Variants in INPP5D observed in about 807,000 individuals in gnomAD.
The protein encoded by INPP5D is inositol polyphosphate-5-phosphatase D.
A neutral mutation model predicts 122.9 loss-of-function variants in INPP5D; 33 were observed. That is an observed-to-expected ratio of 0.27 (90% CI 0.20 to 0.36). The LOEUF is 0.36. INPP5D is among the 10% of genes least tolerant of loss of function. The pLI, the probability that INPP5D is intolerant of heterozygous loss-of-function variation, is 1.00. For missense variants in INPP5D, 1,053 were observed against 1,412.7 expected, an observed-to-expected ratio of 0.75 and a Z score of 4.08; for synonymous variants, 584 against 576.2, an observed-to-expected ratio of 1.01 and a Z score of -0.19.
At chr2:233,137,453 CT>C (rs35819628) in intron 5 of INPP5D, among the ~76,000 whole-genome samples, 5,472 of 136,600 alleles carry the variant, frequency 0.04, 192 homozygotes, top group East Asian at 0.18. Context: ...TTCCATTAAA[CT>C]TTTTTTTTTT....
intron 1 of INPP5D, among the ~76,000 whole-genome samples, chr2:233,067,550 G>T (rs542365937): frequency 1.3e-5 from 2 of 152,306 alleles, no homozygotes; most frequent in South Asian, 4.1e-4. Context: ...ATATTCTTGG[G>T]TCTATATCTA....
intron 18 of INPP5D, among the ~76,000 whole-genome samples, chr2:233,179,367 T>C (rs563623985): frequency 6.6e-6 from 1 of 152,248 alleles, no homozygotes; most frequent in Non-Finnish European, 1.5e-5. Context: ...CCAATTCTTG[T>C]CTCAACCATC....
At position 233,204,640 on chromosome 2, in the gene INPP5D, A is replaced by G; in HGVS notation, c.3490A>G (p.Asn1164Asp). ...QHSKGRDYRD[N>D]TELPHHGKHR... is the part of the protein sequence containing the mutation. ...CTCCAAGGGCCGCGACTACCGCGAC[A>G]ACACCGAGCTCCCGCATCACGGCAA... Residue 1164 changes from asparagine to aspartate, a missense_variant, in exon 26 of 27, where the codon AAC (asparagine) becomes GAC (aspartate). By Grantham distance (23) the Asn-to-Asp change is conservative. Around this residue, in one of 6 missense-constraint regions of INPP5D, gnomAD observed 417 missense variants for 425.8 expected, o/e 0.98. Transcript: ENST00000445964. 2.5e-6 allele frequency: 4 copies of G among 1,584,524 alleles called. No homozygotes were observed. The highest frequency in any genetic ancestry group is 3.4e-6 in the Non-Finnish European group (4 of 1,166,796).
chr2:233,137,354 A>T (rs1034873581), intron 5 of INPP5D, among the ~76,000 whole-genome samples: 12 of 151,830 alleles, frequency 7.9e-5, no homozygotes, highest in South Asian at 2.1e-4. Flanking sequence ...AATCATTTTT[A>T]AAAAAAAGGA....
chr2:233,107,431 G>C (rs1321396617), intron 2 of INPP5D, among the ~76,000 whole-genome samples: 1 of 152,188 alleles, frequency 6.6e-6, no homozygotes, highest in African/African-American at 2.4e-5. Flanking sequence ...AGTGCTCAAA[G>C]GCAGTTGTCT....
chr2:233,118,217 C>T (rs559203844), intron 2 of INPP5D, among the ~76,000 whole-genome samples: 4 of 152,294 alleles, frequency 2.6e-5, no homozygotes, highest in African/African-American at 9.6e-5. Flanking sequence ...GGCACGGTTG[C>T]CCTTCAAACA....
intron 2 of INPP5D, among the ~76,000 whole-genome samples, chr2:233,108,469 G>A (rs1344562417): frequency 6.6e-6 from 1 of 152,206 alleles, no homozygotes; most frequent in African/African-American, 2.4e-5. Context: ...ACATATGTGG[G>A]CGCATCTGGC....
At chr2:233,075,609 G>A (rs951637186) in intron 1 of INPP5D, among the ~76,000 whole-genome samples, 1 of 152,202 alleles carries the variant, frequency 6.6e-6, no homozygotes, top group South Asian at 2.1e-4. Context: ...ATGTGTGTGT[G>A]TGTGTGTGTA....
chr2:233,196,825 C>T (rs10929185), intron 24 of INPP5D, among the ~76,000 whole-genome samples: 30,333 of 151,982 alleles, frequency 0.2, 3,148 homozygotes, highest in East Asian at 0.37. Context: ...AACTCATCCC[C>T]ACCAACCCTT....
rs1348129580 is a variant in INPP5D, at chr2:233,207,120, T to TACGA, written c.*415_*418dup. 1 of 160,336 alleles carries TACGA rather than the reference T, an allele frequency of 6.2e-6. No individual in the cohort carries two copies. The highest frequency in any genetic ancestry group is 2.4e-5 in the African/African-American group (1 of 41,548). The allele number at this position is 160,336 out of a possible 1,614,324, so 9.9% of individuals were successfully genotyped here. A position where few individuals can be genotyped will look rare whatever the true frequency, so the allele number is the denominator to read the frequency against. On this transcript the variant is annotated 3_prime_UTR_variant, in exon 27 of 27. Transcript: ENST00000445964. This position sits in a 1 kb window ranked among gnomAD's most constrained non-coding sequence, Gnocchi z 4.6. ...GTGCCAAGTGCTGTGCTAAGTGCTT[T>TACGA]ACGAACATTCGTCATATCAGGATGA...
At chr2:233,126,634 C>A (rs1693168896) in intron 4 of INPP5D, among the ~76,000 whole-genome samples, 1 of 152,078 alleles carries the variant, frequency 6.6e-6, no homozygotes. Context: ...AAGTATTCCA[C>A]ATAGGCCAGA....
chr2:233,142,060 A>G (rs1693643274), intron 6 of INPP5D, among the ~76,000 whole-genome samples: 1 of 152,268 alleles, frequency 6.6e-6, no homozygotes, highest in Non-Finnish European at 1.5e-5. Context: ...GTGGAAGAAC[A>G]CACAGTCAAG....
In INPP5D at chr2:233,144,536, G is replaced by A. The variant is rs1475495667; in HGVS notation, c.754-1626G>A. Among the ~76,000 whole-genome samples the A allele has an allele frequency of 1.2e-4, 14 of 114,226 alleles. No individual in the cohort carries two copies. The East Asian group carries it at 2.7e-3, about 22-fold the overall frequency. 74.9% of individuals were successfully genotyped at this position (114,226 alleles called of 152,430 possible). On this transcript the variant is annotated intron_variant, in intron 6 of 26. Coordinates refer to ENST00000445964, the MANE Select transcript of INPP5D (RefSeq NM_001017915.3). The stretch of plus-strand genomic sequence containing the variant: ...GGTGGTGATGGTGATGGTGAGGGTG[G>A]AGGTGGTGGTGGTGATGGTGAGGGT...
chr2:233,202,888 G>T (rs1006665956), intron 25 of INPP5D, among the ~76,000 whole-genome samples: 5 of 152,216 alleles, frequency 3.3e-5, no homozygotes, highest in South Asian at 2.1e-4. Context: ...CATGAGTTGA[G>T]TGGGCCTTTC....
At chr2:233,181,462 G>A (rs1394888660) in intron 18 of INPP5D, among the ~76,000 whole-genome samples, 1 of 152,126 alleles carries the variant, frequency 6.6e-6, no homozygotes, top group Non-Finnish European at 1.5e-5. Flanking sequence ...GCCCAGACAT[G>A]CTCAGGTCTT....
chr2:233,080,815 C>G (rs1412824850), intron 2 of INPP5D, among the ~76,000 whole-genome samples: 1 of 152,082 alleles, frequency 6.6e-6, no homozygotes, highest in African/African-American at 2.4e-5. Flanking sequence ...AGCAGAACGC[C>G]CCTCAGGAAG....
chr2:233,201,953 T>G (rs901401684), intron 25 of INPP5D, among the ~76,000 whole-genome samples: 9 of 152,192 alleles, frequency 5.9e-5, no homozygotes, highest in Non-Finnish European at 1.3e-4. Context: ...AGACTTACTT[T>G]TGAGTTTTTC....
At chr2:233,180,818 C>T (rs553201440) in intron 18 of INPP5D, among the ~76,000 whole-genome samples, 2 of 147,586 alleles carry the variant, frequency 1.4e-5, no homozygotes, top group South Asian at 2.1e-4. Context: ...GGATTACATG[C>T]GCCCACCACC....
intron 2 of INPP5D, among the ~76,000 whole-genome samples, chr2:233,093,660 C>T (rs181580678): frequency 6.3e-5 from 9 of 141,904 alleles, no homozygotes; most frequent in Non-Finnish European, 1.3e-4. Context: ...CCAGTCTGGG[C>T]GACAGAGTGA....
Sources: gnomAD v4.1 joint callset for allele counts (sites outside exome capture counted in the v4.1 genomes callset) on GRCh38, gnomAD v4.1.1 for gene constraint, gnomAD v4.1.1 regional missense constraint, Gnocchi (gnomAD v3.1) non-coding constraint, MANE v1.5 for transcripts, NCBI Gene and HGNC (gene_info 2026-07-23, HGNC 2026-07-21) for gene names.